HTR2C: variants seen among roughly 807,000 people sequenced by gnomAD.
HTR2C encodes the protein 5-hydroxytryptamine (serotonin) receptor 2C, G protein-coupled.
HTR2C carries 5 observed loss-of-function variants against 21.0 expected under a neutral mutation model. The observed-to-expected ratio is 0.24, with a 90% CI of 0.12 to 0.50. The LOEUF (loss-of-function observed/expected upper bound fraction) is 0.50. Among genes scored for constraint, HTR2C ranks in the 20% least tolerant of loss-of-function variants. The probability of loss-of-function intolerance (pLI) is 0.98; values close to 1 mark genes in which losing one functional copy is unlikely to be tolerated. For synonymous variants in HTR2C, 150 were observed against 145.3 expected (o/e 1.03, Z -0.23); for missense variants, 271 against 371.2 (o/e 0.73, Z 2.22).
intron 4 of HTR2C, among the ~76,000 whole-genome samples, chrX:114,742,350 C>T (rs1167974209): frequency 9.0e-6 from 1 of 111,415 alleles, no homozygotes; most frequent in Non-Finnish European, 1.9e-5. Context: ...TGTATTTAAA[C>T]ATCCATCCAA....
chrX:114,755,732 G>GA (rs1348055228), intron 4 of HTR2C, among the ~76,000 whole-genome samples: 4 of 26,264 alleles, frequency 1.5e-4, no homozygotes, highest in Admixed American at 7.7e-4. Context: ...ATTTCAACAG[G>GA]AAAAAACTAA....
intron 1 of HTR2C, among the ~76,000 whole-genome samples, chrX:114,595,932 T>C (rs932599750): frequency 8.9e-6 from 1 of 111,777 alleles, no homozygotes; most frequent in Non-Finnish European, 1.9e-5. Context: ...TGCTTCAAAT[T>C]TTTCAAAAGA....
chrX:114,699,448 C>A (rs1932389242), intron 2 of HTR2C, among the ~76,000 whole-genome samples: 1 of 111,828 alleles, frequency 8.9e-6, no homozygotes, highest in African/African-American at 3.3e-5. Flanking sequence ...TTCTATAAGG[C>A]CTTTATGCTT....
At chrX:114,772,074 G>A (rs147826343) in intron 4 of HTR2C, among the ~76,000 whole-genome samples, 2,097 of 111,684 alleles carry the variant, frequency 0.019, 52 homozygotes, top group African/African-American at 0.065. Flanking sequence ...AAGTTCAGTA[G>A]ACTGTTTTTA....
chrX:114,682,671 AAG>A (rs1556413667), intron 2 of HTR2C, among the ~76,000 whole-genome samples: 1 of 111,092 alleles, frequency 9.0e-6, no homozygotes, highest in African/African-American at 3.3e-5. Flanking sequence ...TACCCAGGAA[AAG>A]AGAAAGAAAT....
At chrX:114,631,556 G>A (rs1309087107) in intron 2 of HTR2C, among the ~76,000 whole-genome samples, 1 of 111,634 alleles carries the variant, frequency 9.0e-6, no homozygotes, top group Non-Finnish European at 1.9e-5. Flanking sequence ...TGCTCATTAA[G>A]TGTTAGTAAG....
chrX:114,826,044 C>G (rs1337007753), intron 4 of HTR2C, among the ~76,000 whole-genome samples: 2 of 107,858 alleles, frequency 1.9e-5, no homozygotes, highest in East Asian at 5.8e-4. Flanking sequence ...ATCTCTAGTC[C>G]CAAAATCTGA....
chrX:114,881,264 C>T (rs782584746), intron 5 of HTR2C, among the ~76,000 whole-genome samples: 5 of 111,113 alleles, frequency 4.5e-5, no homozygotes, highest in African/African-American at 1.6e-4. Flanking sequence ...ATGAAAGACA[C>T]ATAATGATTT....
At chrX:114,677,796 A>T (rs2147852819) in intron 2 of HTR2C, among the ~76,000 whole-genome samples, 1 of 111,342 alleles carries the variant, frequency 9.0e-6, no homozygotes. Flanking sequence ...ACTCAAATAG[A>T]ACATAAGAGA....
chrX:114,606,377 C>T lies in HTR2C; in HGVS notation c.-146-7438C>T, dbSNP rs190808068. Among the ~76,000 whole-genome samples the T allele has an allele frequency of 8.1e-5, 9 of 111,657 alleles. No homozygotes were observed. In the East Asian group the frequency reaches 8.6e-4, roughly 11 times the overall value. On this transcript the variant is annotated intron_variant, in intron 1 of 5. Coordinates refer to ENST00000276198, the MANE Select transcript of HTR2C (RefSeq NM_000868.4). ...GCTTAAGGTGAAGGATCAAGGCAGG[C>T]GTCCCTGCGTGGTCTGACACCCTTG...
intron 2 of HTR2C, among the ~76,000 whole-genome samples, chrX:114,679,372 A>G (rs1931672943): frequency 9.1e-6 from 1 of 110,469 alleles, no homozygotes; most frequent in African/African-American, 3.3e-5. Context: ...TCCACCTCCC[A>G]GGTTCAAGTG....
rs2071319007 is a variant in HTR2C, at chrX:114,899,231, C to T, written c.551-7358C>T. On this transcript the variant is annotated intron_variant, in intron 5 of 5. Coordinates refer to ENST00000276198, the MANE Select transcript of HTR2C (RefSeq NM_000868.4). ...ATAGGAATGCGCTATCTCAGGCAGG[C>T]TCCACCCTGTTGCTGGTGGCTGGCT... 2.7e-5 allele frequency among the ~76,000 whole-genome samples: 3 copies of T among 111,593 alleles called. No individual in the cohort carries two copies. The Admixed American group carries it at 2.9e-4, about 11-fold the overall frequency.
At chrX:114,713,850 G>A (rs1008420684) in intron 2 of HTR2C, among the ~76,000 whole-genome samples, 3 of 110,662 alleles carry the variant, frequency 2.7e-5, no homozygotes, top group African/African-American at 9.8e-5. Flanking sequence ...CAAAACACAT[G>A]CATACACACG....
At chrX:114,648,669 A>C (rs1930447192) in intron 2 of HTR2C, among the ~76,000 whole-genome samples, 1 of 111,834 alleles carries the variant, frequency 8.9e-6, no homozygotes, top group South Asian at 3.7e-4. Context: ...TTGAGGCCGC[A>C]GTGAGCCATG....
rs1333777970 is a variant in HTR2C at position 114,761,861 on chromosome X, A to ATCTC, written c.349+30264_349+30267dup. ...CCCTCCCCCCAAAAGATTACTCTCT[A>ATCTC]TCTCTCTCTCTCTATATATATATAT... On this transcript the variant is annotated intron_variant, in intron 4 of 5. Transcript: ENST00000276198. 2.1e-3 allele frequency among the ~76,000 whole-genome samples: 94 copies of ATCTC among 45,174 alleles called. 6 individuals are homozygous for ATCTC. The highest frequency in any genetic ancestry group is 2.7e-3 in the African/African-American group (41 of 15,335). 39.2% of individuals were successfully genotyped at this position (45,174 alleles called of 115,157 possible).
chrX:114,667,515 A>C (rs2147846185), intron 2 of HTR2C, among the ~76,000 whole-genome samples: 1 of 111,893 alleles, frequency 8.9e-6, no homozygotes, highest in South Asian at 3.7e-4. Context: ...GTCTTACAAA[A>C]TATGTACTGA....
chrX:114,807,037 CCATATATATA>C, intron 4 of HTR2C, among the ~76,000 whole-genome samples: 1 of 30,907 alleles, frequency 3.2e-5, no homozygotes, highest in African/African-American at 6.5e-5. Context: ...ACCATATACA[CCATATATATA>C]CCATATATAC....
intron 5 of HTR2C, among the ~76,000 whole-genome samples, chrX:114,857,090 C>T (rs782716677): frequency 2.7e-5 from 3 of 110,718 alleles, no homozygotes; most frequent in African/African-American, 6.5e-5. Flanking sequence ...CATAATTCTC[C>T]GATTCTTTGC....
intron 2 of HTR2C, among the ~76,000 whole-genome samples, chrX:114,714,382 A>C (rs887306087): frequency 1.8e-5 from 2 of 111,974 alleles, no homozygotes; most frequent in Non-Finnish European, 3.8e-5. Flanking sequence ...TAAAATCACC[A>C]ATAAACAATT....
Sources: allele counts gnomAD v4.1 joint callset (sites outside exome capture counted in the v4.1 genomes callset), GRCh38; gene constraint gnomAD v4.1.1; transcripts MANE v1.5; gene names NCBI Gene and HGNC (gene_info 2026-07-23, HGNC 2026-07-21).